Variants in PRKN observed in about 807,000 individuals in gnomAD.
PRKN encodes the protein E3 ubiquitin-protein ligase parkin.
PRKN carries 56 observed loss-of-function variants against 59.5 expected under a neutral mutation model. The observed-to-expected ratio is 0.94, with a 90% CI of 0.76 to 1.18. PRKN has a LOEUF of 1.18. PRKN is among the 50% of genes most tolerant of loss of function. PRKN has a pLI of 0.00. For missense variants in PRKN, 657 were observed against 596.4 expected (o/e 1.10, Z -1.06); for synonymous variants, 250 against 222.1 (o/e 1.13, Z -1.12).
chr6:162,651,945 C>G (rs1039038961), intron 1 of PRKN, among the ~76,000 whole-genome samples: 10 of 152,148 alleles, frequency 6.6e-5, no homozygotes, highest in African/African-American at 2.4e-4. Flanking sequence ...GGGCCACATA[C>G]TTTTAAAAAT....
chr6:162,016,776 T>A (rs1782950237), intron 5 of PRKN, among the ~76,000 whole-genome samples: 1 of 152,074 alleles, frequency 6.6e-6, no homozygotes, highest in African/African-American at 2.4e-5. Flanking sequence ...CAGGGAGATG[T>A]CATGGAGCTT....
Position 162,459,778 on chromosome 6 carries a change from G to A in PRKN, c.8-16305C>T, listed in dbSNP as rs79079100. On this transcript the variant is annotated intron_variant, in intron 1 of 11. Coordinates refer to ENST00000366898, the MANE Select transcript of PRKN (RefSeq NM_004562.3). ...AGCAGCTACTAAATAAAAAGTAGCCGCATTTTCAAAAATGATTCGGAACTT... is the reference window on the plus strand; with the variant it reads ...AGCAGCTACTAAATAAAAAGTAGCCACATTTTCAAAAATGATTCGGAACTT... Among the ~76,000 whole-genome samples, 440 of 152,276 alleles carry A rather than the reference G, an allele frequency of 2.9e-3. 8 individuals carry two copies. In the East Asian group the frequency reaches 0.042, roughly 14 times the overall value.
chr6:162,181,670 G>A (rs1783809917), intron 4 of PRKN, among the ~76,000 whole-genome samples: 1 of 152,044 alleles, frequency 6.6e-6, no homozygotes, highest in African/African-American at 2.4e-5. Flanking sequence ...GGAGAATCAG[G>A]GAAAGAAACT....
intron 2 of PRKN, chr6:162,269,594 C>G (rs1171872096): frequency 6.6e-6 from 1 of 152,198 alleles, no homozygotes; most frequent in Admixed American, 6.5e-5. Context: ...TCAGTCTATA[C>G]TCATTGGCAT....
rs2115444062 is a variant in PRKN, at chr6:161,554,884, TC to T, written c.934-5882del. 1.3e-5 allele frequency among the ~76,000 whole-genome samples: 2 copies of T among 152,160 alleles called. No homozygotes were observed. The highest frequency in any genetic ancestry group is 1.3e-4 in the Admixed American group (2 of 15,272). On this transcript the variant is annotated intron_variant, in intron 8 of 11. Coordinates refer to ENST00000366898, the MANE Select transcript of PRKN (RefSeq NM_004562.3). This position sits in a 1 kb window ranked among gnomAD's most constrained non-coding sequence, Gnocchi z 4.5. ...TTTTTCCTTTGTAAATTAATTGCCC[TC>T]TTTTGCCTAGATGCCCAAGGAATTT...
chr6:161,848,058 A>G (rs995392427), intron 6 of PRKN, among the ~76,000 whole-genome samples: 3 of 152,136 alleles, frequency 2.0e-5, no homozygotes, highest in African/African-American at 7.2e-5. Flanking sequence ...ACCAAAAGAG[A>G]CTGGAATTAT....
chr6:162,178,468 C>T (rs879881976), intron 4 of PRKN, among the ~76,000 whole-genome samples: 2 of 152,132 alleles, frequency 1.3e-5, no homozygotes, highest in Non-Finnish European at 1.5e-5. Flanking sequence ...AGCCCCTTTC[C>T]CTGGCCTATG....
chr6:161,746,750 C>CTATATAGATAT (rs1788442764), intron 7 of PRKN, among the ~76,000 whole-genome samples: 9 of 145,510 alleles, frequency 6.2e-5, no homozygotes, highest in Non-Finnish European at 1.0e-4. Context: ...TAGATATGCA[C>CTATATAGATAT]ATATATATCT....
chr6:162,668,513 A>C (rs946662707), intron 1 of PRKN, among the ~76,000 whole-genome samples: 1 of 134,820 alleles, frequency 7.4e-6, no homozygotes, highest in African/African-American at 3.9e-5. Flanking sequence ...CTGACAGGGT[A>C]AGAGATGAGA....
rs570732281 is a variant in PRKN, at chr6:162,494,829, T to C, written c.8-51356A>G. ...TCAAGCGAAGTAGGCATTTTGCCTATGTCGTACCAGGGACTAAGCTAACAG... is the reference window on the plus strand; with the variant it reads ...TCAAGCGAAGTAGGCATTTTGCCTACGTCGTACCAGGGACTAAGCTAACAG... On this transcript the variant is annotated intron_variant, in intron 1 of 11. Transcript: ENST00000366898. 6.6e-5 allele frequency among the ~76,000 whole-genome samples: 10 copies of C among 152,348 alleles called. No homozygotes were observed. In the East Asian group the frequency reaches 1.2e-3, roughly 18 times the overall value.
chr6:162,312,640 A>T (rs1477656244), intron 2 of PRKN, among the ~76,000 whole-genome samples: 1 of 152,196 alleles, frequency 6.6e-6, no homozygotes, highest in Non-Finnish European at 1.5e-5. Context: ...CATCGAAGCA[A>T]GCATCTCATG....
rs191940097 is a variant in PRKN at position 161,352,904 on chromosome 6, C to T, written c.1286-2693G>A. ...AAGCAATTCTCCTGCCTCAGCCTCT[C>T]GAGTAGTTGGAATTACAGGCACCTG... On this transcript the variant is annotated intron_variant, in intron 11 of 11. Coordinates refer to ENST00000366898, the MANE Select transcript of PRKN (RefSeq NM_004562.3). The surrounding 1 kb of genome is among the most constrained non-coding windows in gnomAD (Gnocchi z 5.8). Among the ~76,000 whole-genome samples the T allele has an allele frequency of 7.8e-3, 1,189 of 151,898 alleles. 22 individuals carry two copies. Among genetic ancestry groups the T allele is most frequent in the African/African-American group, 0.027 (1,134 of 41,394 alleles).
chr6:161,788,252 AT>A (rs1790502542), intron 6 of PRKN, among the ~76,000 whole-genome samples: 1 of 152,196 alleles, frequency 6.6e-6, no homozygotes, highest in African/African-American at 2.4e-5. Flanking sequence ...ACATCCTGCT[AT>A]TTGGAGAACA....
At chr6:162,096,144 AG>A (rs1779720310) in intron 4 of PRKN, among the ~76,000 whole-genome samples, 1 of 151,442 alleles carries the variant, frequency 6.6e-6, no homozygotes, top group Admixed American at 6.6e-5. Flanking sequence ...GTAGATTGTA[AG>A]ATTGGTGCTT....
intron 5 of PRKN, among the ~76,000 whole-genome samples, 182 bp downstream of exon 5, chr6:162,053,909 G>T (rs774967080): frequency 5.3e-5 from 8 of 152,202 alleles, no homozygotes; most frequent in Non-Finnish European, 8.8e-5. Context: ...ACCCTGAAAG[G>T]CAGGGGCACA....
chr6:162,112,880 G>A (rs112170010), intron 4 of PRKN, among the ~76,000 whole-genome samples: 7,767 of 152,042 alleles, frequency 0.051, 259 homozygotes, highest in African/African-American at 0.089. Context: ...CCATGGTCGC[G>A]CCACTGCACT....
chr6:162,123,486 A>T (rs537088967), intron 4 of PRKN, among the ~76,000 whole-genome samples: 70 of 152,336 alleles, frequency 4.6e-4, no homozygotes, highest in Non-Finnish European at 7.1e-4. Context: ...CTTTACCGCC[A>T]CTAGTTACTT....
intron 6 of PRKN, among the ~76,000 whole-genome samples, chr6:161,879,717 T>C (rs140012923): frequency 1.3e-5 from 2 of 152,316 alleles, no homozygotes; most frequent in East Asian, 3.9e-4. Context: ...TGGACTTTTT[T>C]AATGTTAGAA....
At chr6:161,511,659 G>T (rs895087056) in intron 9 of PRKN, among the ~76,000 whole-genome samples, 8 of 152,106 alleles carry the variant, frequency 5.3e-5, no homozygotes, top group Admixed American at 3.9e-4. Context: ...CTCATGACAT[G>T]AGCAAATAAC....
Sources: gnomAD v4.1 joint callset for allele counts (sites outside exome capture counted in the v4.1 genomes callset) on GRCh38, gnomAD v4.1.1 for gene constraint, Gnocchi (gnomAD v3.1) non-coding constraint, MANE v1.5 for transcripts, NCBI Gene and HGNC (gene_info 2026-07-23, HGNC 2026-07-21) for gene names.